INPP4B: variants seen among roughly 807,000 people sequenced by gnomAD.
INPP4B encodes inositol polyphosphate-4-phosphatase type II B.
INPP4B carries 55 observed loss-of-function variants against 122.5 expected under a neutral mutation model. The observed-to-expected ratio is 0.45, with a 90% confidence interval of 0.36 to 0.56. The LOEUF (loss-of-function observed/expected upper bound fraction) is 0.56, where lower values mean the gene tolerates loss of function less well. INPP4B is among the 20% of genes least tolerant of loss of function. INPP4B has a pLI of 0.00. For synonymous variants in INPP4B, 403 were observed against 388.7 expected (o/e 1.04, Z -0.43); for missense variants, 1,000 against 1,097.7 (o/e 0.91, Z 1.26).
At position 142,377,572 on chromosome 4, in the gene INPP4B, A is replaced by G. The variant is rs1792417995; in HGVS notation, c.372+25366T>C. Among the ~76,000 whole-genome samples the G allele has an allele frequency of 2.0e-5, 3 of 152,224 alleles. No individual in the cohort carries two copies. In the South Asian group the frequency reaches 6.2e-4, roughly 32 times the overall value. ...CCTTATTCTTTCTTATGTGTGGCTC[A>G]AGAAGACACAACCATAGGCATATTG... is the stretch of plus-strand genomic sequence containing the variant. On this transcript the variant is annotated intron_variant, in intron 7 of 25. Transcript: ENST00000262992.
intron 2 of INPP4B, among the ~76,000 whole-genome samples, chr4:142,530,764 A>T (rs1447334758): frequency 6.6e-6 from 1 of 152,040 alleles, no homozygotes; most frequent in Non-Finnish European, 1.5e-5. Flanking sequence ...TGGAGGAAGT[A>T]CATTCAGGCA....
At chr4:142,248,332 C>T (rs1318796409) in intron 11 of INPP4B, among the ~76,000 whole-genome samples, 10 of 80,210 alleles carry the variant, frequency 1.2e-4, no homozygotes, top group East Asian at 4.0e-4. Context: ...CTCTCTCTCT[C>T]TCTCTTTTTT....
At chr4:142,406,556 G>A (rs1429865725) in intron 5 of INPP4B, among the ~76,000 whole-genome samples, 2 of 152,130 alleles carry the variant, frequency 1.3e-5, no homozygotes, top group Non-Finnish European at 2.9e-5. Context: ...AATGAAACAG[G>A]CTTGGTTTTA....
chr4:142,293,743 T>C (rs1313127322), intron 9 of INPP4B, among the ~76,000 whole-genome samples: 1 of 152,224 alleles, frequency 6.6e-6, no homozygotes, highest in African/African-American at 2.4e-5. Flanking sequence ...ACAGTGAATG[T>C]CATTTAACGG....
At chr4:142,545,706 T>TATACAC (rs1553955896) in intron 2 of INPP4B, among the ~76,000 whole-genome samples, 4,225 of 48,272 alleles carry the variant, frequency 0.088, 153 homozygotes, top group South Asian at 0.17. Context: ...TGTGTATATA[T>TATACAC]ATGTGTGTGT....
At chr4:142,379,303 G>A (rs1183097439) in intron 7 of INPP4B, among the ~76,000 whole-genome samples, 1 of 152,118 alleles carries the variant, frequency 6.6e-6, no homozygotes, top group East Asian at 1.9e-4. Flanking sequence ...GTGAGCAGCT[G>A]CAACCTCAGC....
intron 2 of INPP4B, chr4:142,560,445 G>C (rs1010154389): frequency 6.6e-6 from 1 of 152,220 alleles, no homozygotes; most frequent in African/African-American, 2.4e-5. Context: ...TTTATTAGGA[G>C]AATTGACTCA....
intron 7 of INPP4B, among the ~76,000 whole-genome samples, chr4:142,381,800 C>T (rs1296420652): frequency 6.6e-6 from 1 of 151,768 alleles, no homozygotes; most frequent in Non-Finnish European, 1.5e-5. Context: ...CTTAAATAAC[C>T]CGTTCTTTAC....
In INPP4B at chr4:142,434,954, C is replaced by CCA. The variant is rs566640668; in HGVS notation, c.-126-3571_-126-3570dup. 1.8e-3 allele frequency among the ~76,000 whole-genome samples: 275 copies of CCA among 152,176 alleles called. 2 individuals are homozygous for CCA. Among genetic ancestry groups the CCA allele is most frequent in the African/African-American group, 5.3e-3 (222 of 41,538 alleles). ...AGAAAGTTTACAAATTTGTGTTGGG[C>CCA]CACATTCAAAGCAATCCTGGGGCCG... On this transcript the variant is annotated intron_variant, in intron 3 of 25. Transcript: ENST00000262992.
intron 2 of INPP4B, among the ~76,000 whole-genome samples, chr4:142,706,804 A>G (rs1762528785): frequency 6.6e-6 from 1 of 152,256 alleles, no homozygotes; most frequent in Non-Finnish European, 1.5e-5. Context: ...AGGAGAATAC[A>G]GGCCTTGTCT....
intron 23 of INPP4B, among the ~76,000 whole-genome samples, chr4:142,107,727 T>G (rs1229869141): frequency 3.3e-5 from 5 of 152,320 alleles, no homozygotes; most frequent in African/African-American, 1.2e-4. Flanking sequence ...TGATGTTGCT[T>G]ATAAATGGAG....
chr4:142,248,519 A>G (rs1730192074), intron 11 of INPP4B, among the ~76,000 whole-genome samples: 2 of 151,684 alleles, frequency 1.3e-5, no homozygotes, highest in Non-Finnish European at 2.9e-5. Context: ...TTGTATTTTT[A>G]GTAGAGACGG....
At chr4:142,221,762 T>C (rs1849494133) in intron 12 of INPP4B, among the ~76,000 whole-genome samples, 1 of 152,172 alleles carries the variant, frequency 6.6e-6, no homozygotes, top group African/African-American at 2.4e-5. Flanking sequence ...CATGTAGCTG[T>C]TCGGTACTTA....
At chr4:142,462,177 T>G (rs1167973371) in intron 3 of INPP4B, among the ~76,000 whole-genome samples, 1 of 152,172 alleles carries the variant, frequency 6.6e-6, no homozygotes, top group Non-Finnish European at 1.5e-5. Flanking sequence ...AGAAATAGCC[T>G]CTGTCTACCC....
chr4:142,309,561 A>C (rs1257697195), intron 8 of INPP4B, among the ~76,000 whole-genome samples: 1 of 151,860 alleles, frequency 6.6e-6, no homozygotes, highest in Admixed American at 6.6e-5. Context: ...ATGTCACAGA[A>C]CTAGTTAATC....
At chr4:142,045,705 G>C (rs1466319460) in intron 25 of INPP4B, among the ~76,000 whole-genome samples, 1 of 152,078 alleles carries the variant, frequency 6.6e-6, no homozygotes, top group African/African-American at 2.4e-5. Context: ...AATTAAATAA[G>C]TTGGGAAATG....
chr4:142,796,047 A>T (rs1777195478), intron 1 of INPP4B, among the ~76,000 whole-genome samples: 1 of 152,038 alleles, frequency 6.6e-6, no homozygotes, highest in South Asian at 2.1e-4. Flanking sequence ...TCCTAAAATA[A>T]AACCCCTTAT....
chr4:142,482,596 G>A (rs890570629), intron 2 of INPP4B, among the ~76,000 whole-genome samples: 3 of 152,056 alleles, frequency 2.0e-5, no homozygotes, highest in Non-Finnish European at 4.4e-5. Context: ...ATTTGTGGTG[G>A]ACTCTCTTTT....
At chr4:142,597,416 A>G (rs1738959492) in intron 2 of INPP4B, among the ~76,000 whole-genome samples, 2 of 152,206 alleles carry the variant, frequency 1.3e-5, no homozygotes, top group African/African-American at 4.8e-5. Context: ...CTTTTCAGAT[A>G]ATGTCAGAAA....
Sources: gnomAD v4.1 joint callset for allele counts (sites outside exome capture counted in the v4.1 genomes callset) on GRCh38, gnomAD v4.1.1 for gene constraint, MANE v1.5 for transcripts, NCBI Gene and HGNC (gene_info 2026-07-23, HGNC 2026-07-21) for gene names.